Variants in TOMM34 observed in about 807,000 individuals in gnomAD.
The protein encoded by TOMM34 is translocase of outer mitochondrial membrane 34, also known as mitochondrial import receptor subunit TOM34.
Under a neutral mutation model 37.4 loss-of-function variants are expected in TOMM34, and 24 were observed. That is an observed-to-expected ratio of 0.64 (90% confidence interval 0.46 to 0.90). The LOEUF (loss-of-function observed/expected upper bound fraction) is 0.90. Ranked by LOEUF, TOMM34 falls within the 40% of genes least tolerant of loss-of-function variation. The pLI is 0.00. For synonymous variants in TOMM34, 154 were observed against 148.9 expected, an observed-to-expected ratio of 1.03 and a Z score of -0.25; for missense variants, 304 against 375.6, an observed-to-expected ratio of 0.81 and a Z score of 1.58.
At chr20:44,952,152 A>G (rs1311323794) in intron 3 of TOMM34, 150 bp from the exon 4 acceptor site, 2 of 822,400 alleles carry the variant, frequency 2.4e-6, no homozygotes, top group African/African-American at 3.5e-5. Context: ...CTCCTCCAAC[A>G]CGTGCAATAC....
At chr20:44,945,834 C>T (rs772640405) in intron 5 of TOMM34, among the ~76,000 whole-genome samples, 5 of 152,028 alleles carry the variant, frequency 3.3e-5, no homozygotes, top group South Asian at 4.1e-4. Context: ...AATAGTAGCC[C>T]GTTTTAAACT....
At chr20:44,944,554 T>C (rs1205414134) in intron 5 of TOMM34, among the ~76,000 whole-genome samples, 3 of 152,222 alleles carry the variant, frequency 2.0e-5, no homozygotes, top group Admixed American at 2.0e-4. Flanking sequence ...GATACATGCA[T>C]TTTAAAACCT....
chr20:44,956,584 A>C, intron 1 of TOMM34, 99 bp from the exon 2 acceptor site: 1 of 1,126,560 alleles, frequency 8.9e-7, no homozygotes, highest in Non-Finnish European at 1.3e-6. Flanking sequence ...CCTTGTGTTA[A>C]GGCAGTAGAG....
chr20:44,945,257 G>A lies in TOMM34; in HGVS notation c.699-1678C>T, dbSNP rs546317342. On this transcript the variant is annotated intron_variant, in intron 5 of 6. Transcript: ENST00000372813. ...AAAATTCTACTAGTCCTTTGTGATT[G>A]CATGGAATTCATAAATTAACGGAGA... Among the ~76,000 whole-genome samples, 38 of 152,210 alleles carry A rather than the reference G, an allele frequency of 2.5e-4. No individual in the cohort carries two copies. In the South Asian group the frequency reaches 7.5e-3, roughly 30 times the overall value.
intron 1 of TOMM34, among the ~76,000 whole-genome samples, 196 bp from the exon 2 acceptor site, chr20:44,956,681 C>T (rs902338061): frequency 2.6e-5 from 4 of 152,110 alleles, no homozygotes; most frequent in Non-Finnish European, 4.4e-5. Context: ...CGCTTTTTGC[C>T]ATTCAAAGGG....
chr20:44,948,945 T>C (rs2067003778), intron 4 of TOMM34, 68 bp from the exon 5 acceptor site: 3 of 1,560,144 alleles, frequency 1.9e-6, no homozygotes, highest in Admixed American at 1.9e-5. Flanking sequence ...TGAGGTCTCT[T>C]CAGCATCGTC....
At chr20:44,946,828 CCAATG>C (rs1467656238) in intron 5 of TOMM34, among the ~76,000 whole-genome samples, 1 of 152,168 alleles carries the variant, frequency 6.6e-6, no homozygotes, top group African/African-American at 2.4e-5. Context: ...AATTATAAAT[CCAATG>C]CAATCACAAC....
In TOMM34 at chr20:44,952,018, G is replaced by C. The variant is rs767585209; in HGVS notation, c.381-16C>G. On this transcript the variant is annotated splice_polypyrimidine_tract_variant and intron_variant, in intron 3 of 6. Coordinates refer to ENST00000372813, the MANE Select transcript of TOMM34 (RefSeq NM_006809.5). ...TCTGGTCATTCTGGAAAAGAAGGCAGGATTGCAGGGAGGTTTCCAGCTGGG... is the reference window on the plus strand; with the variant it reads ...TCTGGTCATTCTGGAAAAGAAGGCACGATTGCAGGGAGGTTTCCAGCTGGG... 40 of 1,599,290 alleles carry C rather than the reference G, an allele frequency of 2.5e-5. No homozygotes were observed. The highest frequency in any genetic ancestry group is 2.8e-5 in the Non-Finnish European group (33 of 1,172,546).
chr20:44,958,130 GTATATGTATATATA>G (rs1568665883), intron 1 of TOMM34, among the ~76,000 whole-genome samples: 15 of 125,978 alleles, frequency 1.2e-4, no homozygotes, highest in Non-Finnish European at 2.6e-4. Flanking sequence ...GTATATATAT[GTATATGTATATATA>G]TGTGTGTGTG....
chr20:44,955,959 T>C lies in TOMM34; in HGVS notation c.227+427A>G, dbSNP rs549988404. Reference sequence around the variant, plus strand: ...AGTGTCCTCTAAAACTGGTCATTCATGAATACCATTTTTTTCCTTTCTCCT... The same window carrying C: ...AGTGTCCTCTAAAACTGGTCATTCACGAATACCATTTTTTTCCTTTCTCCT... On this transcript the variant is annotated intron_variant, in intron 2 of 6. Coordinates refer to ENST00000372813, the MANE Select transcript of TOMM34 (RefSeq NM_006809.5). Among the ~76,000 whole-genome samples, 13 of 152,356 alleles carry C rather than the reference T, an allele frequency of 8.5e-5. No individual in the cohort carries two copies. In the East Asian group the frequency reaches 2.5e-3, roughly 29 times the overall value.
intron 1 of TOMM34, among the ~76,000 whole-genome samples, chr20:44,957,149 C>T (rs761410489): frequency 7.9e-5 from 12 of 152,168 alleles, no homozygotes; most frequent in Non-Finnish European, 7.3e-5. Context: ...TCAGGAATCG[C>T]AGAGGCTCAA....
Position 44,952,593 on chromosome 20 carries a change from G to A in TOMM34, c.381-591C>T, listed in dbSNP as rs759439483. 24 of 717,072 alleles carry A rather than the reference G, an allele frequency of 3.3e-5. 1 individual carries two copies. The South Asian group carries it at 3.6e-4, about 11-fold the overall frequency. The allele number at this position is 717,072 out of a possible 1,614,324, so 44.4% of individuals were successfully genotyped here. A position where few individuals can be genotyped will look rare whatever the true frequency, so the allele number is the denominator to read the frequency against. ...ACCCAGAACAACCATTTTCATTTTGGAAAAAGATTGCCACCTTCCAGGCCC... is the reference window on the plus strand; with the variant it reads ...ACCCAGAACAACCATTTTCATTTTGAAAAAAGATTGCCACCTTCCAGGCCC... On this transcript the variant is annotated intron_variant, in intron 3 of 6. Transcript: ENST00000372813.
intron 4 of TOMM34, among the ~76,000 whole-genome samples, chr20:44,949,424 T>G (rs561753853): frequency 2.6e-5 from 4 of 152,332 alleles, no homozygotes; most frequent in Middle Eastern, 3.4e-3. Flanking sequence ...CTGCTATTCC[T>G]CATTTCTGGT....
intron 5 of TOMM34, among the ~76,000 whole-genome samples, chr20:44,945,800 T>C (rs549508808): frequency 8.5e-5 from 13 of 152,314 alleles, no homozygotes; most frequent in African/African-American, 2.9e-4. Context: ...AATAAAATGG[T>C]TGTTGTAAAT....
intron 2 of TOMM34, among the ~76,000 whole-genome samples, chr20:44,956,118 T>C (rs947575023): frequency 3.9e-5 from 6 of 152,204 alleles, no homozygotes; most frequent in East Asian, 1.9e-4. Flanking sequence ...AGGTTTCAAA[T>C]TGCACAAAGA....
intron 1 of TOMM34, 40 bp from the exon 2 acceptor site, chr20:44,956,525 T>C (rs776103615): frequency 6.2e-7 from 1 of 1,603,270 alleles, no homozygotes; most frequent in Non-Finnish European, 8.5e-7. Flanking sequence ...GTTTGGAAAA[T>C]GGGTGCCTCA....
chr20:44,955,988 G>C (rs2067068932), intron 2 of TOMM34, among the ~76,000 whole-genome samples: 1 of 152,112 alleles, frequency 6.6e-6, no homozygotes, highest in African/African-American at 2.4e-5. Flanking sequence ...TTCTCCTTCT[G>C]AGACAATCTA....
rs1369586050 is a variant in TOMM34 at position 44,951,857 on chromosome 20, C to T, written c.526G>A (p.Glu176Lys). 1 of 1,613,930 alleles carries T rather than the reference C, an allele frequency of 6.2e-7. No individual in the cohort carries two copies. Among genetic ancestry groups the T allele is most frequent in the Non-Finnish European group, 8.5e-7 (1 of 1,179,958 alleles). The change falls in exon 4 of 7, where the codon GAA becomes AAA. Residue 176 changes from glutamate (E) to lysine (K), a missense_variant. By Grantham distance (56) the Glu-to-Lys change is moderately conservative. Transcript: ENST00000372813. ...HKEMAKSKSK[E>K]TTATKNRVPS... ...CCTCTGTTCTTTGTAGCTGTGGTTTCTTTGGATTTGCTTTTAGCCATCTCT... is the reference window on the plus strand; with the variant it reads ...CCTCTGTTCTTTGTAGCTGTGGTTTTTTTGGATTTGCTTTTAGCCATCTCT...
At chr20:44,943,430 T>G in intron 6 of TOMM34, 23 bp downstream of exon 6, 1 of 1,614,060 alleles carries the variant, frequency 6.2e-7, no homozygotes, top group East Asian at 2.2e-5. Context: ...TGTTGGGACC[T>G]TTTGGCCAGG....
Sources: allele counts gnomAD v4.1 joint callset (sites outside exome capture counted in the v4.1 genomes callset), GRCh38; gene constraint gnomAD v4.1.1; transcripts MANE v1.5; gene names NCBI Gene and HGNC (gene_info 2026-07-23, HGNC 2026-07-21).